Variants in CREB1 observed in about 807,000 individuals in gnomAD.
The protein encoded by CREB1 is cyclic AMP-responsive element-binding protein 1.
Under a neutral mutation model 42.0 loss-of-function variants are expected in CREB1, and 2 were observed. That is an observed-to-expected ratio of 0.05 (90% CI 0.02 to 0.15). The LOEUF is 0.15. Ranked by LOEUF, CREB1 falls within the 10% of genes least tolerant of loss-of-function variation. The probability of loss-of-function intolerance (pLI) is 1.00; values close to 1 mark genes in which losing one functional copy is unlikely to be tolerated. For synonymous variants in CREB1, 123 were observed against 139.9 expected (o/e 0.88, Z 0.85); for missense variants, 199 against 388.9 (o/e 0.51, Z 4.11).
At position 207,597,445 on chromosome 2, in the gene CREB1, C is replaced by T. The variant is rs2086354015; in HGVS notation, c.*387C>T. Reference sequence around the variant, plus strand: ...TGCCTTAGGGACAGAATTACCCCAGCCTCTTGAGCTGAAGTAATGTGTGGG... The same window carrying T: ...TGCCTTAGGGACAGAATTACCCCAGTCTCTTGAGCTGAAGTAATGTGTGGG... On this transcript the variant is annotated 3_prime_UTR_variant, in exon 8 of 8. Coordinates refer to ENST00000353267, the MANE Select transcript of CREB1 (RefSeq NM_004379.5). 1 of 234,118 alleles carries T rather than the reference C, an allele frequency of 4.3e-6. No individual in the cohort carries two copies. Among genetic ancestry groups the T allele is most frequent in the African/African-American group, 2.2e-5 (1 of 45,128 alleles). The allele number at this position is 234,118 out of a possible 1,614,324, so 14.5% of individuals were successfully genotyped here.
intron 1 of CREB1, among the ~76,000 whole-genome samples, chr2:207,534,032 T>C (rs2080763590): frequency 6.6e-6 from 1 of 152,234 alleles, no homozygotes. Context: ...CAACTAATGA[T>C]AGCTAGTCCC....
At chr2:207,577,711 G>A (rs749808634) in intron 7 of CREB1, 56 bp downstream of exon 7, 2 of 1,590,606 alleles carry the variant, frequency 1.3e-6, no homozygotes, top group Admixed American at 1.7e-5. Flanking sequence ...TTCACATTCT[G>A]CTGGATGTGT....
intron 1 of CREB1, among the ~76,000 whole-genome samples, chr2:207,535,550 G>C (rs748349176): frequency 6.6e-5 from 10 of 151,554 alleles, no homozygotes; most frequent in Non-Finnish European, 1.5e-4. Flanking sequence ...CGATTTTCTA[G>C]TATTTCTTAA....
intron 1 of CREB1, among the ~76,000 whole-genome samples, chr2:207,530,897 T>G (rs1407325678): frequency 1.3e-5 from 2 of 151,820 alleles, no homozygotes; most frequent in Non-Finnish European, 2.9e-5. Context: ...TGCTGCTTTC[T>G]GCCCTGTGTT....
chr2:207,599,454 A>G lies in CREB1; in HGVS notation c.*2396A>G, dbSNP rs2086687612. ...AGTTCAGGCTTTCTACTTACTGGGA[A>G]GTTGGTGGTCCTCTTAGTCCCTGAT... On this transcript the variant is annotated 3_prime_UTR_variant, in exon 8 of 8. Transcript: ENST00000353267. 5.1e-6 allele frequency: 1 copy of G among 197,646 alleles called. No individual in the cohort carries two copies. Among genetic ancestry groups the G allele is most frequent in the Non-Finnish European group, 1.0e-5 (1 of 95,522 alleles). The allele number at this position is 197,646 out of a possible 1,614,324, so 12.2% of individuals were successfully genotyped here.
At chr2:207,558,246 C>G (rs916359511) in intron 2 of CREB1, among the ~76,000 whole-genome samples, 2 of 152,180 alleles carry the variant, frequency 1.3e-5, no homozygotes, top group Non-Finnish European at 2.9e-5. Context: ...TTCACAGTCA[C>G]ATATTTCGCT....
At chr2:207,548,874 C>G (rs553855055) in intron 1 of CREB1, among the ~76,000 whole-genome samples, 1 of 152,140 alleles carries the variant, frequency 6.6e-6, no homozygotes, top group East Asian at 1.9e-4. Context: ...TAAAAGTAAA[C>G]AAATTTTCAA....
rs182885773 is a variant in CREB1 at position 207,534,412 on chromosome 2, T to C, written c.-9+4278T>C. Among the ~76,000 whole-genome samples, 171 of 152,288 alleles carry C rather than the reference T, an allele frequency of 1.1e-3. 1 individual carries two copies. Among genetic ancestry groups the C allele is most frequent in the African/African-American group, 3.8e-3 (157 of 41,546 alleles). The stretch of plus-strand genomic sequence containing the variant: ...CCACCACGCCCGGCTAATTTTTGTG[T>C]TTTTAGTAGAGACAGGGTTTCACCA... On this transcript the variant is annotated intron_variant, in intron 1 of 7. Transcript: ENST00000353267.
chr2:207,553,225 C>T (rs1283889055), intron 1 of CREB1, among the ~76,000 whole-genome samples: 1 of 151,810 alleles, frequency 6.6e-6, no homozygotes, highest in Admixed American at 6.6e-5. Flanking sequence ...CCCACTGCCA[C>T]ACCCGGCTAG....
intron 1 of CREB1, among the ~76,000 whole-genome samples, chr2:207,547,717 G>A (rs1044250955): frequency 1.3e-5 from 2 of 151,718 alleles, no homozygotes; most frequent in African/African-American, 4.8e-5. Flanking sequence ...GTCTCTTGGT[G>A]GTCACATACA....
chr2:207,538,219 C>T (rs1469750102), intron 1 of CREB1, among the ~76,000 whole-genome samples: 4 of 151,714 alleles, frequency 2.6e-5, no homozygotes, highest in Non-Finnish European at 5.9e-5. Flanking sequence ...TCTAGGCTAC[C>T]AGAAAGATGT....
At chr2:207,538,128 CA>C (rs1442525425) in intron 1 of CREB1, among the ~76,000 whole-genome samples, 2 of 152,108 alleles carry the variant, frequency 1.3e-5, no homozygotes, top group Non-Finnish European at 2.9e-5. Context: ...TGTCAGTGCT[CA>C]AAAAGTTTGA....
rs949558249 is a variant in CREB1 at position 207,603,295 on chromosome 2, A to G, written c.*6237A>G. 1 of 222,880 alleles carries G rather than the reference A, an allele frequency of 4.5e-6. No individual in the cohort carries two copies. Among genetic ancestry groups the G allele is most frequent in the Non-Finnish European group, 9.0e-6 (1 of 111,620 alleles). The allele number at this position is 222,880 out of a possible 1,614,324, so 13.8% of individuals were successfully genotyped here. ...AATAGTAGCAGTTGCTTTGTATATTAAAGTGATCCTTGTGAATTTGTGAAA... is the reference window on the plus strand; with the variant it reads ...AATAGTAGCAGTTGCTTTGTATATTGAAGTGATCCTTGTGAATTTGTGAAA... On this transcript the variant is annotated 3_prime_UTR_variant, in exon 8 of 8. Transcript: ENST00000353267.
intron 7 of CREB1, among the ~76,000 whole-genome samples, chr2:207,594,053 T>A (rs952541615): frequency 1.3e-5 from 2 of 152,174 alleles, no homozygotes; most frequent in Non-Finnish European, 2.9e-5. Context: ...TAGAAAATAT[T>A]ACCATGTCCT....
chr2:207,591,630 G>A (rs1412614221), intron 7 of CREB1, among the ~76,000 whole-genome samples: 2 of 151,950 alleles, frequency 1.3e-5, no homozygotes, highest in African/African-American at 2.4e-5. Flanking sequence ...ACGGGGTTTC[G>A]CCATGTTGGC....
At position 207,600,622 on chromosome 2, in the gene CREB1, T is replaced by G. The variant is rs1483620627; in HGVS notation, c.*3564T>G. ...GAACCACTGATTTTTTCAAAAATCA[T>G]CCTGGGGGAGGAATTTTGGCATTTC... On this transcript the variant is annotated 3_prime_UTR_variant, in exon 8 of 8. Coordinates refer to ENST00000353267, the MANE Select transcript of CREB1 (RefSeq NM_004379.5). 4.7e-6 allele frequency: 1 copy of G among 212,304 alleles called. No homozygotes were observed. Among genetic ancestry groups the G allele is most frequent in the Non-Finnish European group, 9.5e-6 (1 of 104,800 alleles). 13.2% of individuals were successfully genotyped at this position (212,304 alleles called of 1,614,324 possible).
intron 7 of CREB1, among the ~76,000 whole-genome samples, chr2:207,585,803 T>C (rs558023509): frequency 7.9e-5 from 12 of 152,284 alleles, no homozygotes; most frequent in Non-Finnish European, 1.6e-4. Flanking sequence ...TTCTGAACTT[T>C]AAGAGAGAGG....
rs2081287347 is a variant in CREB1, at chr2:207,545,923, C to A, written c.-8-9705C>A. Among the ~76,000 whole-genome samples, 3 of 152,058 alleles carry A rather than the reference C, an allele frequency of 2.0e-5. No homozygotes were observed. In the East Asian group the frequency reaches 5.8e-4, roughly 30 times the overall value. ...TAATTTTGTATTTTTTTAGTAGAGA[C>A]AAGGTTTCTCCATGTTGGCCAGGCT... is the stretch of plus-strand genomic sequence containing the variant. On this transcript the variant is annotated intron_variant, in intron 1 of 7. Transcript: ENST00000353267.
At chr2:207,589,607 T>G (rs184878355) in intron 7 of CREB1, among the ~76,000 whole-genome samples, 1 of 152,350 alleles carries the variant, frequency 6.6e-6, no homozygotes, top group African/African-American at 2.4e-5. Flanking sequence ...TAAAAAGCTC[T>G]TCATTACATT....
Sources: gnomAD v4.1 joint callset for allele counts (sites outside exome capture counted in the v4.1 genomes callset) on GRCh38, gnomAD v4.1.1 for gene constraint, MANE v1.5 for transcripts, NCBI Gene and HGNC (gene_info 2026-07-23, HGNC 2026-07-21) for gene names.